Variants in OPCML observed in about 807,000 individuals in gnomAD.
The protein encoded by OPCML is opioid binding protein/cell adhesion molecule like, also known as opioid-binding protein/cell adhesion molecule.
A neutral mutation model predicts 37.8 loss-of-function variants in OPCML; 13 were observed. The ratio of observed to expected loss-of-function variants is 0.34; its 90% CI spans 0.22 to 0.55. The LOEUF is 0.55. Ranked by LOEUF, OPCML falls within the 20% of genes least tolerant of loss-of-function variation. The pLI, the probability that OPCML is intolerant of heterozygous loss-of-function variation, is 0.91. For missense variants in OPCML, 341 were observed against 435.6 expected (o/e 0.78, Z 1.93); for synonymous variants, 176 against 168.8 (o/e 1.04, Z -0.33).
At chr11:132,450,854 T>C (rs185043012) in intron 4 of OPCML, among the ~76,000 whole-genome samples, 2 of 152,332 alleles carry the variant, frequency 1.3e-5, no homozygotes, top group Non-Finnish European at 2.9e-5. Flanking sequence ...TCTTGTTCTG[T>C]CATTAGTTAA....
At chr11:133,055,509 G>A (rs1267393792) in intron 1 of OPCML, among the ~76,000 whole-genome samples, 1 of 148,406 alleles carries the variant, frequency 6.7e-6, no homozygotes, top group African/African-American at 2.5e-5. Flanking sequence ...ACTTCCAAGT[G>A]GTGAGACCCC....
rs539348519 is a variant in OPCML, at chr11:133,006,109, C to T, written c.62-63099G>A. 5.0e-3 allele frequency: 4,919 copies of T among 985,258 alleles called. 10 individuals are homozygous for T. The highest frequency in any genetic ancestry group is 5.8e-3 in the Non-Finnish European group (4,776 of 829,896). The allele number at this position is 985,258 out of a possible 1,614,324, so 61.0% of individuals were successfully genotyped here. ...GAGACCAGGGTTTCTGGCATGGGGT[C>T]ATTGTGAGACAGCCAGGTGGGAGGA... On this transcript the variant is annotated intron_variant, in intron 1 of 7. Transcript: ENST00000524381.
At chr11:132,432,734 T>C (rs1473932114) in intron 7 of OPCML, among the ~76,000 whole-genome samples, 1 of 152,218 alleles carries the variant, frequency 6.6e-6, no homozygotes, top group East Asian at 1.9e-4. Context: ...ATAGCCCCTA[T>C]GTTCCTGGAG....
rs1038765347 is a variant in OPCML, at chr11:132,471,022, T to C, written c.506-33663A>G. Among the ~76,000 whole-genome samples, 14 of 152,234 alleles carry C rather than the reference T, an allele frequency of 9.2e-5. No individual in the cohort carries two copies. The South Asian group carries it at 1.0e-3, about 11-fold the overall frequency. ...GGAGGCAGGAAAGAACCCATGACAATGTGAGGTCCTAGAAGTCAAGAAAAG... is the reference window on the plus strand; with the variant it reads ...GGAGGCAGGAAAGAACCCATGACAACGTGAGGTCCTAGAAGTCAAGAAAAG... On this transcript the variant is annotated intron_variant, in intron 4 of 7. Transcript: ENST00000524381.
At chr11:132,924,166 G>A (rs1179739843) in intron 2 of OPCML, among the ~76,000 whole-genome samples, 1 of 151,984 alleles carries the variant, frequency 6.6e-6, no homozygotes, top group Non-Finnish European at 1.5e-5. Flanking sequence ...AAGAGGGACA[G>A]AGAGAAAAGA....
intron 4 of OPCML, among the ~76,000 whole-genome samples, chr11:132,479,282 G>A (rs1013851429): frequency 5.9e-5 from 9 of 152,116 alleles, no homozygotes; most frequent in Admixed American, 1.3e-4. Context: ...CTGGAAAATC[G>A]GGTCACTCCC....
At chr11:133,118,061 C>T in intron 1 of OPCML, 1 of 644,240 alleles carries the variant, frequency 1.6e-6, no homozygotes, top group Non-Finnish European at 1.9e-6. Flanking sequence ...AAACACTCTT[C>T]AGAAAGAAAC....
At chr11:132,450,447 G>A (rs1267146855) in intron 4 of OPCML, among the ~76,000 whole-genome samples, 1 of 152,124 alleles carries the variant, frequency 6.6e-6, no homozygotes, top group Non-Finnish European at 1.5e-5. Context: ...GCTGGAGCCT[G>A]GTGCCTCGAC....
In OPCML at chr11:133,494,537, A is replaced by C. The variant is rs555377803; in HGVS notation, c.61+37727T>G. ...ACATATACACCATGGAATACTATGC[A>C]GCCATAAAAAATGATGAGTTCATGT... On this transcript the variant is annotated intron_variant, in intron 1 of 7. Coordinates refer to ENST00000524381, the MANE Select transcript of OPCML (RefSeq NM_001012393.5). Among the ~76,000 whole-genome samples the C allele has an allele frequency of 2.1e-3, 304 of 147,350 alleles. 3 individuals are homozygous for C. Among genetic ancestry groups the C allele is most frequent in the Non-Finnish European group, 3.5e-3 (236 of 67,404 alleles).
intron 1 of OPCML, among the ~76,000 whole-genome samples, chr11:133,162,776 A>G (rs1211049871): frequency 6.6e-6 from 1 of 152,234 alleles, no homozygotes; most frequent in Non-Finnish European, 1.5e-5. Context: ...TGCTCCATGC[A>G]TACACGGTTG....
intron 7 of OPCML, among the ~76,000 whole-genome samples, chr11:132,432,526 C>T (rs1420767110): frequency 1.3e-5 from 2 of 152,302 alleles, no homozygotes; most frequent in South Asian, 2.1e-4. Flanking sequence ...AGCCATTCAG[C>T]CAGCGAGCAG....
intron 2 of OPCML, among the ~76,000 whole-genome samples, chr11:132,721,143 G>T (rs570271864): frequency 3.7e-4 from 56 of 152,246 alleles, no homozygotes; most frequent in African/African-American, 1.2e-3. Flanking sequence ...ATGTGCCAGG[G>T]TGTTTATTCA....
intron 4 of OPCML, among the ~76,000 whole-genome samples, chr11:132,449,382 C>G (rs944578613): frequency 2.6e-5 from 4 of 152,148 alleles, no homozygotes; most frequent in Admixed American, 2.6e-4. Context: ...GGAATAATGT[C>G]TCATAGGTAT....
At chr11:133,181,040 A>G (rs902746627) in intron 1 of OPCML, among the ~76,000 whole-genome samples, 4 of 152,230 alleles carry the variant, frequency 2.6e-5, no homozygotes, top group Non-Finnish European at 5.9e-5. Context: ...GGTTTAAAAA[A>G]ATCCAATTCT....
At chr11:132,586,554 T>C (rs11223137) in intron 3 of OPCML, among the ~76,000 whole-genome samples, 3,843 of 152,348 alleles carry the variant, frequency 0.025, 80 homozygotes, top group Middle Eastern at 0.075. Context: ...GCATTTTGTA[T>C]ACTCCTGGGA....
chr11:133,217,266 C>T (rs987107486), intron 1 of OPCML, among the ~76,000 whole-genome samples: 14 of 152,200 alleles, frequency 9.2e-5, no homozygotes, highest in South Asian at 4.1e-4. Context: ...CCCCCCAAAA[C>T]AAAGCACCCA....
At chr11:133,108,210 G>GTACA (rs1949190924) in intron 1 of OPCML, among the ~76,000 whole-genome samples, 1 of 152,144 alleles carries the variant, frequency 6.6e-6, no homozygotes, top group Non-Finnish European at 1.5e-5. Flanking sequence ...CAGTGTCAAG[G>GTACA]TACACTTTCA....
At chr11:133,437,635 TCC>T (rs1946264326) in intron 1 of OPCML, among the ~76,000 whole-genome samples, 1 of 142,732 alleles carries the variant, frequency 7.0e-6, no homozygotes, top group South Asian at 2.4e-4. Context: ...CGCTCACCTC[TCC>T]CCTCTCAACC....
chr11:133,265,752 T>G (rs554172321), intron 1 of OPCML, among the ~76,000 whole-genome samples: 3 of 152,156 alleles, frequency 2.0e-5, no homozygotes, highest in Non-Finnish European at 4.4e-5. Flanking sequence ...CTCCCAGGTG[T>G]CAGATGATGA....
Sources: gnomAD v4.1 joint callset for allele counts (sites outside exome capture counted in the v4.1 genomes callset) on GRCh38, gnomAD v4.1.1 for gene constraint, MANE v1.5 for transcripts, NCBI Gene and HGNC (gene_info 2026-07-23, HGNC 2026-07-21) for gene names.